Variants in L3MBTL3 observed in about 807,000 individuals in gnomAD.
The protein encoded by L3MBTL3 is L3MBTL histone methyl-lysine binding protein 3, also known as lethal(3)malignant brain tumor-like protein 3.
A neutral mutation model predicts 102.3 loss-of-function variants in L3MBTL3; 27 were observed. The ratio of observed to expected loss-of-function variants is 0.26; its 90% CI spans 0.19 to 0.36. L3MBTL3 has a LOEUF of 0.36. Among genes scored for constraint, L3MBTL3 ranks in the 10% least tolerant of loss-of-function variants. L3MBTL3 has a pLI of 1.00. For missense variants in L3MBTL3, 798 were observed against 955.3 expected (o/e 0.84, Z 2.17); for synonymous variants, 340 against 320.9 (o/e 1.06, Z -0.64).
At chr6:130,019,345 G>C (rs1778780691) in intron 1 of L3MBTL3, 1 of 146,154 alleles carries the variant, frequency 6.8e-6, no homozygotes, top group Non-Finnish European at 1.5e-5. Flanking sequence ...CCGCGGATCG[G>C]TGCGGCGGGA....
Position 130,083,639 on chromosome 6 carries a change from T to G in L3MBTL3, c.1341T>G (p.His447Gln). 6.5e-7 allele frequency: 1 copy of G among 1,533,756 alleles called. No individual in the cohort carries two copies. Among genetic ancestry groups the G allele is most frequent in the Non-Finnish European group, 8.8e-7 (1 of 1,137,568 alleles). ...ITPPGYPNVK[H>Q]FSWDKYLEET... ...TCTTAGGTTATCCAAATGTGAAACATTTTTCTTGGGATAAATACTTAGAAG... is the reference window on the plus strand; with the variant it reads ...TCTTAGGTTATCCAAATGTGAAACAGTTTTCTTGGGATAAATACTTAGAAG... The change falls in exon 15 of 23, where the codon CAT (histidine) becomes CAG (glutamine). Residue 447 changes from histidine to glutamine, a missense_variant. Coordinates refer to ENST00000361794, the MANE Select transcript of L3MBTL3 (RefSeq NM_032438.4).
intron 2 of L3MBTL3, among the ~76,000 whole-genome samples, chr6:130,027,815 A>G (rs972268887): frequency 9.9e-5 from 15 of 152,214 alleles, no homozygotes; most frequent in Non-Finnish European, 1.9e-4. Context: ...CATATTTAGC[A>G]TATGCATAGA....
chr6:130,070,208 A>G (rs955881807), intron 12 of L3MBTL3, among the ~76,000 whole-genome samples: 3 of 152,198 alleles, frequency 2.0e-5, no homozygotes, highest in Admixed American at 2.0e-4. Context: ...TATAATATGT[A>G]GAGATAGATA....
chr6:130,074,898 T>C (rs996885376), intron 13 of L3MBTL3, among the ~76,000 whole-genome samples: 1 of 152,238 alleles, frequency 6.6e-6, no homozygotes, highest in Non-Finnish European at 1.5e-5. Flanking sequence ...GTGGGCCTTT[T>C]CCTGATTGCC....
At chr6:130,110,787 G>A (rs577872472) in intron 19 of L3MBTL3, among the ~76,000 whole-genome samples, 1 of 152,196 alleles carries the variant, frequency 6.6e-6, no homozygotes, top group Non-Finnish European at 1.5e-5. Context: ...CAAAGGGAAT[G>A]CTTCCAGCTT....
At chr6:130,083,254 C>T (rs888907860) in intron 14 of L3MBTL3, among the ~76,000 whole-genome samples, 1 of 152,024 alleles carries the variant, frequency 6.6e-6, no homozygotes, top group Non-Finnish European at 1.5e-5. Context: ...GGTCATTTAA[C>T]TTACTTAATT....
intron 2 of L3MBTL3, among the ~76,000 whole-genome samples, chr6:130,028,336 A>G (rs1265672121): frequency 2.0e-5 from 3 of 152,194 alleles, no homozygotes; most frequent in African/African-American, 7.2e-5. Flanking sequence ...ACTAGCTGAT[A>G]AAGGGACAGT....
chr6:130,071,449 G>A (rs905834439), intron 13 of L3MBTL3, among the ~76,000 whole-genome samples: 10 of 151,992 alleles, frequency 6.6e-5, no homozygotes, highest in South Asian at 2.1e-4. Flanking sequence ...TTAAACATTC[G>A]TAATAGCTGA....
At chr6:130,095,828 A>G (rs1784330382) in intron 18 of L3MBTL3, among the ~76,000 whole-genome samples, 1 of 152,162 alleles carries the variant, frequency 6.6e-6, no homozygotes, top group Admixed American at 6.6e-5. Flanking sequence ...AACCGCTCCC[A>G]TGATAACAAA....
chr6:130,056,642 C>T (rs1252806097), intron 8 of L3MBTL3, among the ~76,000 whole-genome samples: 1 of 152,196 alleles, frequency 6.6e-6, no homozygotes, highest in Non-Finnish European at 1.5e-5. Flanking sequence ...AGTTCCTCTG[C>T]ACTCTGCCTC....
intron 13 of L3MBTL3, among the ~76,000 whole-genome samples, chr6:130,071,724 G>A (rs948469221): frequency 1.3e-5 from 2 of 152,064 alleles, no homozygotes; most frequent in African/African-American, 4.8e-5. Context: ...ATATTTTAGA[G>A]AAGTAACAGA....
chr6:130,072,311 G>C (rs1477925307), intron 13 of L3MBTL3, among the ~76,000 whole-genome samples: 1 of 152,006 alleles, frequency 6.6e-6, no homozygotes, highest in Non-Finnish European at 1.5e-5. Context: ...AAGTATAAGG[G>C]AGATAAAGTA....
At chr6:130,108,219 G>GTTTTTT (rs1562318173) in intron 19 of L3MBTL3, among the ~76,000 whole-genome samples, 1 of 104,214 alleles carries the variant, frequency 9.6e-6, no homozygotes, top group Non-Finnish European at 2.4e-5. Flanking sequence ...AATGTTAGGT[G>GTTTTTT]GTTTTTTTTT....
intron 18 of L3MBTL3, among the ~76,000 whole-genome samples, chr6:130,103,305 G>A (rs1032146828): frequency 6.6e-6 from 1 of 152,140 alleles, no homozygotes; most frequent in African/African-American, 2.4e-5. Context: ...GTGTAGACTA[G>A]CAGTATTTAA....
intron 1 of L3MBTL3, among the ~76,000 whole-genome samples, chr6:130,021,499 G>A (rs749237004): frequency 1.3e-5 from 2 of 152,208 alleles, no homozygotes; most frequent in African/African-American, 4.8e-5. Flanking sequence ...CCCTGAATTG[G>A]AAACAATTGT....
intron 17 of L3MBTL3, among the ~76,000 whole-genome samples, chr6:130,093,359 G>A (rs996421236): frequency 1.3e-4 from 19 of 151,930 alleles, no homozygotes; most frequent in Non-Finnish European, 1.2e-4. Flanking sequence ...AACATACCAC[G>A]GCCTTAATTT....
At chr6:130,086,759 T>C (rs1320888244) in intron 16 of L3MBTL3, among the ~76,000 whole-genome samples, 1 of 152,204 alleles carries the variant, frequency 6.6e-6, no homozygotes, top group Non-Finnish European at 1.5e-5. Flanking sequence ...CAGCTTGTTA[T>C]GTCCAGCCAT....
intron 20 of L3MBTL3, among the ~76,000 whole-genome samples, chr6:130,124,831 A>G (rs547894986): frequency 6.6e-6 from 1 of 152,228 alleles, no homozygotes; most frequent in African/African-American, 2.4e-5. Flanking sequence ...TCAGCCGGGC[A>G]TGGTGGCTCA....
At position 130,133,817 on chromosome 6, in the gene L3MBTL3, G is replaced by T; in HGVS notation, c.2137-26G>T. 6.3e-7 allele frequency: 1 copy of T among 1,596,180 alleles called. No individual in the cohort carries two copies. The stretch of plus-strand genomic sequence containing the variant: ...TAGATTCTGACTGTGTTTTTTAACT[G>T]GGAATTTTGATATTGCTTTTGACAG... On this transcript the variant is annotated intron_variant, in intron 21 of 22. Transcript: ENST00000361794. The surrounding 1 kb of genome is among the most constrained non-coding windows in gnomAD (Gnocchi z 4.9).
Sources: allele counts gnomAD v4.1 joint callset (sites outside exome capture counted in the v4.1 genomes callset), GRCh38; gene constraint gnomAD v4.1.1; non-coding constraint Gnocchi (gnomAD v3.1); transcripts MANE v1.5; gene names NCBI Gene and HGNC (gene_info 2026-07-23, HGNC 2026-07-21).